The following MRPS18A variants were observed in gnomAD, a reference collection of about 807,000 sequenced individuals.
MRPS18A encodes the protein mitochondrial ribosomal protein S18A, also known as large ribosomal subunit protein mL66.
In MRPS18A, 20 loss-of-function variants were observed where a neutral mutation model predicts 22.7. The observed-to-expected ratio is 0.88, with a 90% CI of 0.62 to 1.28. The LOEUF is 1.28. MRPS18A is among the 50% of genes most tolerant of loss of function. The pLI, the probability that MRPS18A is intolerant of heterozygous loss-of-function variation, is 0.00. For missense variants in MRPS18A, 294 were observed against 262.6 expected, an observed-to-expected ratio of 1.12 and a Z score of -0.83; for synonymous variants, 106 against 99.1, an observed-to-expected ratio of 1.07 and a Z score of -0.41.
chr6:43,678,704 T>G, intron 2 of MRPS18A, 79 bp from the exon 3 acceptor site: 1 of 1,006,628 alleles, frequency 9.9e-7, no homozygotes, highest in Non-Finnish European at 1.5e-6. Flanking sequence ...AACCCCAAAA[T>G]GATGGTAATG....
chr6:43,674,216 A>C (rs1773921324), intron 5 of MRPS18A, among the ~76,000 whole-genome samples: 1 of 152,076 alleles, frequency 6.6e-6, no homozygotes, highest in African/African-American at 2.4e-5. Flanking sequence ...CTGCATTCCC[A>C]CATCCCACAC....
intron 2 of MRPS18A, 45 bp from the exon 3 acceptor site, chr6:43,678,670 G>C: frequency 4.4e-6 from 6 of 1,360,232 alleles, no homozygotes; most frequent in Non-Finnish European, 6.3e-6. Flanking sequence ...CAGGACCTGC[G>C]TGGAGCCACA....
chr6:43,676,007 G>A (rs773318781), intron 3 of MRPS18A, among the ~76,000 whole-genome samples: 1 of 151,974 alleles, frequency 6.6e-6, no homozygotes, highest in Non-Finnish European at 1.5e-5. Flanking sequence ...CTATAGGTGC[G>A]TGCCACCATG....
intron 1 of MRPS18A, among the ~76,000 whole-genome samples, chr6:43,686,710 C>A (rs1266752905): frequency 3.3e-5 from 5 of 152,176 alleles, no homozygotes; most frequent in Admixed American, 2.6e-4. Context: ...GATATGCTGC[C>A]CAATACTATG....
intron 5 of MRPS18A, 63 bp downstream of exon 5, chr6:43,675,139 A>C: frequency 3.0e-6 from 4 of 1,352,172 alleles, no homozygotes; most frequent in South Asian, 1.5e-5. Context: ...ACAGACAGCC[A>C]AGGTGCACCC....
Position 43,680,120 on chromosome 6 carries a change from C to T in MRPS18A, c.144+969G>A, listed in dbSNP as rs749557914. 7.2e-5 allele frequency among the ~76,000 whole-genome samples: 11 copies of T among 152,302 alleles called. No individual in the cohort carries two copies. The South Asian group carries it at 8.3e-4, about 11-fold the overall frequency. On this transcript the variant is annotated intron_variant, in intron 2 of 5. Coordinates refer to ENST00000372133, the MANE Select transcript of MRPS18A (RefSeq NM_018135.4). ...CTACAAACAGCAGACTCATGCCCCA[C>T]ATGAAAAACACTCTTTATACTCAAA...
chr6:43,685,675 T>C (rs559813464), intron 1 of MRPS18A, among the ~76,000 whole-genome samples: 14 of 152,230 alleles, frequency 9.2e-5, no homozygotes, highest in Non-Finnish European at 1.8e-4. Context: ...TGCCTGAATA[T>C]TTTCAGCAAG....
intron 2 of MRPS18A, among the ~76,000 whole-genome samples, chr6:43,680,454 A>G (rs1774337081): frequency 6.6e-6 from 1 of 152,198 alleles, no homozygotes; most frequent in Non-Finnish European, 1.5e-5. Flanking sequence ...GATTTCTTGG[A>G]GGCATAGAAG....
At chr6:43,675,309 C>T in intron 4 of MRPS18A, 38 bp from the exon 5 acceptor site, 2 of 1,550,676 alleles carry the variant, frequency 1.3e-6, no homozygotes, top group Non-Finnish European at 1.7e-6. Flanking sequence ...TTTGCAGCTC[C>T]CTCTGCAGCT....
Position 43,671,658 on chromosome 6 carries a change from C to T in MRPS18A, c.*104G>A, listed in dbSNP as rs541626406. On this transcript the variant is annotated 3_prime_UTR_variant, in exon 6 of 6. Coordinates refer to ENST00000372133, the MANE Select transcript of MRPS18A (RefSeq NM_018135.4). ...ATGCATGTTGGAGGGACCAGGCCAT[C>T]GTGGTGGGGTGGGACAGGAGTATAG... The T allele has an allele frequency of 1.2e-4, 167 of 1,372,244 alleles. No homozygotes were observed. The East Asian group carries it at 1.7e-3, about 14-fold the overall frequency. The allele number at this position is 1,372,244 out of a possible 1,614,324, so 85.0% of individuals were successfully genotyped here.
chr6:43,678,528 T>G lies in MRPS18A; in HGVS notation c.242A>C (p.Tyr81Ser). The change falls in exon 3 of 6, where the codon TAT becomes TCT. Residue 81 changes from tyrosine (Y) to serine (S), a missense_variant. Transcript: ENST00000372133. ...TGTACCCAGACTCACGTCATAGTTA[T>G]ACTTGTGCTTCAGGTTCCAACGGCA... ...PICRWNLKHK[Y>S]NYDDVLLLSQ... is the part of the protein sequence containing the mutation. 1 of 1,610,694 alleles carries G rather than the reference T, an allele frequency of 6.2e-7. No homozygotes were observed. The highest frequency in any genetic ancestry group is 8.5e-7 in the Non-Finnish European group (1 of 1,176,974).
rs1773986575 is a variant in MRPS18A, at chr6:43,675,240, A to T, written c.408T>A (p.Pro136=). The T allele has an allele frequency of 6.6e-7, 1 of 1,523,998 alleles. No homozygotes were observed. Among genetic ancestry groups the T allele is most frequent in the Non-Finnish European group, 8.8e-7 (1 of 1,137,114 alleles). The allele number at this position is 1,523,998 out of a possible 1,614,324, so 94.4% of individuals were successfully genotyped here. A position where few individuals can be genotyped will look rare whatever the true frequency, so the allele number is the denominator to read the frequency against. The change falls in exon 5 of 6, where the codon CCT becomes CCA. Residue 136 remains proline (P), a synonymous_variant. Transcript: ENST00000372133. ...GTTTGCTCTTCGGAACAACTCCTTC[A>T]GGAAGCCGAGGCCTGTGATTTGGTA... is the stretch of plus-strand genomic sequence containing the variant. ...GLLPNHRPRL[P]EGVVPKSKPQ...
intron 1 of MRPS18A, among the ~76,000 whole-genome samples, chr6:43,684,424 T>G (rs957560189): frequency 6.6e-6 from 1 of 152,152 alleles, no homozygotes; most frequent in African/African-American, 2.4e-5. Flanking sequence ...TTCTGGCCAC[T>G]GACAACTTTT....
chr6:43,676,522 C>G (rs1372194844), intron 3 of MRPS18A, among the ~76,000 whole-genome samples: 1 of 152,170 alleles, frequency 6.6e-6, no homozygotes, highest in Non-Finnish European at 1.5e-5. Context: ...ACATGCCCAC[C>G]AGGCTGCCTG....
In MRPS18A at chr6:43,687,717, G is replaced by T. The variant is rs916560875; in HGVS notation, c.63C>A (p.Gly21=). The T allele has an allele frequency of 1.3e-6, 2 of 1,587,444 alleles. No homozygotes were observed. The highest frequency in any genetic ancestry group is 1.8e-5 in the Admixed American group (1 of 55,266). The change falls in exon 1 of 6, where the codon GGC becomes GGA. Residue 21 remains glycine (G), a synonymous_variant. Coordinates refer to ENST00000372133, the MANE Select transcript of MRPS18A (RefSeq NM_018135.4). ...GCCGAGACCAGCTGGTCGCTGCCGG[G>T]CCCGCTAGTAGCCCACGGAGAAGCC... The part of the protein sequence containing the change: ...CGRLLRGLLA[G]PAATSWSRLP...
chr6:43,676,196 T>G (rs1774045828), intron 3 of MRPS18A, among the ~76,000 whole-genome samples: 1 of 152,160 alleles, frequency 6.6e-6, no homozygotes, highest in South Asian at 2.1e-4. Context: ...ACAGAAACTC[T>G]TCAAGAAGGG....
intron 5 of MRPS18A, 92 bp from the exon 6 acceptor site, chr6:43,671,998 G>A (rs1180951392): frequency 8.0e-6 from 11 of 1,383,558 alleles, no homozygotes; most frequent in East Asian, 5.0e-5. Flanking sequence ...GCCAGGCCAC[G>A]GTTGGGCAAG....
chr6:43,685,380 A>G (rs1338973163), intron 1 of MRPS18A, among the ~76,000 whole-genome samples: 1 of 152,216 alleles, frequency 6.6e-6, no homozygotes, highest in African/African-American at 2.4e-5. Flanking sequence ...TCTCAACAGC[A>G]GCAGGACTGC....
rs373684552 is a variant in MRPS18A, at chr6:43,671,711, T to C, written c.*51A>G. The C allele has an allele frequency of 6.8e-6, 11 of 1,609,786 alleles. No individual in the cohort carries two copies. The African/African-American group carries it at 1.2e-4, about 18-fold the overall frequency. On this transcript the variant is annotated 3_prime_UTR_variant, in exon 6 of 6. Coordinates refer to ENST00000372133, the MANE Select transcript of MRPS18A (RefSeq NM_018135.4). ...GTGGCCAAGGGCTTGTGAGTGGGCC[T>C]CCTACTCCCCAGCACAGGTGCAGGA...
Sources: gnomAD v4.1 joint callset for allele counts (sites outside exome capture counted in the v4.1 genomes callset) on GRCh38, gnomAD v4.1.1 for gene constraint, MANE v1.5 for transcripts, NCBI Gene and HGNC (gene_info 2026-07-23, HGNC 2026-07-21) for gene names.